The following ITPR1 variants were observed in gnomAD, a reference collection of about 807,000 sequenced individuals.
ITPR1 encodes inositol 1,4,5-trisphosphate-gated calcium channel ITPR1.
In ITPR1, 96 loss-of-function variants were observed where a neutral mutation model predicts 318.4. The observed-to-expected ratio is 0.30, with a 90% CI of 0.26 to 0.36. ITPR1 has a LOEUF of 0.36. Ranked by LOEUF, ITPR1 falls within the 10% of genes least tolerant of loss-of-function variation. The probability of loss-of-function intolerance (pLI) is 1.00; values close to 1 mark genes in which losing one functional copy is unlikely to be tolerated. For synonymous variants in ITPR1, 1,312 were observed against 1,289.9 expected (o/e 1.02, Z -0.37); for missense variants, 2,440 against 3,460.2 (o/e 0.71, Z 7.40).
At chr3:4,747,768 G>A (rs956440210) in intron 44 of ITPR1, among the ~76,000 whole-genome samples, 7 of 152,204 alleles carry the variant, frequency 4.6e-5, no homozygotes, top group Admixed American at 4.6e-4. Context: ...CAGGAAGACT[G>A]TCCTACAGAA....
At chr3:4,624,736 T>C (rs1263600434) in intron 4 of ITPR1, among the ~76,000 whole-genome samples, 2 of 151,856 alleles carry the variant, frequency 1.3e-5, no homozygotes, top group Admixed American at 6.6e-5. Context: ...TTGTTTATTA[T>C]AGTTTTATAT....
chr3:4,723,063 G>A (rs535625280), intron 40 of ITPR1, among the ~76,000 whole-genome samples: 6 of 152,316 alleles, frequency 3.9e-5, no homozygotes, highest in East Asian at 1.9e-4. Context: ...CAGGAGAATC[G>A]CTTGAACCCT....
intron 55 of ITPR1, among the ~76,000 whole-genome samples, chr3:4,810,326 C>G (rs116284831): frequency 6.6e-5 from 10 of 152,334 alleles, no homozygotes; most frequent in Non-Finnish European, 8.8e-5. Flanking sequence ...TCTCCCCACA[C>G]TCCCCACCAT....
chr3:4,579,783 CAG>C (rs1213288339), intron 4 of ITPR1, among the ~76,000 whole-genome samples: 1 of 152,178 alleles, frequency 6.6e-6, no homozygotes, highest in African/African-American at 2.4e-5. Flanking sequence ...CAGGGTTAGA[CAG>C]AGACTTTGTG....
chr3:4,512,126 C>T (rs1425364937), intron 2 of ITPR1, among the ~76,000 whole-genome samples: 2 of 152,110 alleles, frequency 1.3e-5, no homozygotes, highest in South Asian at 2.1e-4. Flanking sequence ...AGATGTGTAC[C>T]ACCATGCCCT....
intron 44 of ITPR1, among the ~76,000 whole-genome samples, chr3:4,755,366 G>A (rs1270338357): frequency 2.0e-5 from 3 of 150,720 alleles, no homozygotes; most frequent in African/African-American, 7.3e-5. Flanking sequence ...TGAGCTTTCT[G>A]TCTCAGAAGA....
intron 39 of ITPR1, among the ~76,000 whole-genome samples, chr3:4,712,936 G>T (rs1242969117): frequency 6.6e-6 from 1 of 152,160 alleles, no homozygotes; most frequent in African/African-American, 2.4e-5. Context: ...CTGTAACTCA[G>T]TAGGAATTTT....
chr3:4,733,135 C>T lies in ITPR1; in HGVS notation c.5268C>T (p.Val1756=), dbSNP rs1465597941. Reference sequence around the variant, plus strand: ...TGGTCAACCGTTACTATGGAAACGTCAGACCTTCGGGACGAAGAGAGAGCC... The same window carrying T: ...TGGTCAACCGTTACTATGGAAACGTTAGACCTTCGGGACGAAGAGAGAGCC... ...QVLVNRYYGN[V]RPSGRRESLT... is the part of the protein sequence containing the mutation. The change falls in exon 43 of 62, where the codon GTC becomes GTT. Residue 1756 remains valine, a synonymous_variant. Coordinates refer to ENST00000649015, the MANE Select transcript of ITPR1 (RefSeq NM_001378452.1). 6.2e-7 allele frequency: 1 copy of T among 1,613,756 alleles called. No individual in the cohort carries two copies. The highest frequency in any genetic ancestry group is 8.5e-7 in the Non-Finnish European group (1 of 1,179,850).
At chr3:4,778,054 T>C (rs563897099) in intron 48 of ITPR1, among the ~76,000 whole-genome samples, 69 of 152,344 alleles carry the variant, frequency 4.5e-4, no homozygotes, top group African/African-American at 1.7e-3. Context: ...ATGAAAATCG[T>C]GACTTCTAGG....
At chr3:4,836,004 G>A (rs752683703) in intron 60 of ITPR1, among the ~76,000 whole-genome samples, 2 of 152,174 alleles carry the variant, frequency 1.3e-5, no homozygotes, top group Admixed American at 6.5e-5. Flanking sequence ...TCATAAACGG[G>A]GACATTGACA....
intron 61 of ITPR1, among the ~76,000 whole-genome samples, chr3:4,837,440 T>G (rs981448016): frequency 6.6e-6 from 1 of 152,098 alleles, no homozygotes; most frequent in African/African-American, 2.4e-5. Context: ...GTGGCTATCA[T>G]AGTACAGGAA....
At chr3:4,545,642 G>T (rs1294079973) in intron 4 of ITPR1, among the ~76,000 whole-genome samples, 3 of 138,888 alleles carry the variant, frequency 2.2e-5, no homozygotes, top group Admixed American at 7.1e-5. Flanking sequence ...AAAAAAAAAA[G>T]GCTTTGGAAG....
chr3:4,495,770 A>G (rs1440008682), intron 2 of ITPR1, among the ~76,000 whole-genome samples: 2 of 152,216 alleles, frequency 1.3e-5, no homozygotes, highest in African/African-American at 4.8e-5. Context: ...GCTAGTACAA[A>G]GTAGGAGCAG....
intron 44 of ITPR1, among the ~76,000 whole-genome samples, chr3:4,762,329 T>C (rs1395425399): frequency 6.6e-6 from 1 of 152,216 alleles, no homozygotes; most frequent in Non-Finnish European, 1.5e-5. Context: ...GTTACTGTAG[T>C]GATCTCATTG....
chr3:4,662,096 T>C lies in ITPR1; in HGVS notation c.1266T>C (p.Pro422=), dbSNP rs757468204. The change falls in exon 15 of 62, where the codon CCT becomes CCC. Residue 422 remains proline (P), a synonymous_variant. Coordinates refer to ENST00000649015, the MANE Select transcript of ITPR1 (RefSeq NM_001378452.1). ...TTGAATTTCAGATTGGCACCTCTCC[T>C]GTGAAGGAGGATAAGGAAGCATTTG... ...KPVMLKIGTS[P]VKEDKEAFAI... is the part of the protein sequence containing the mutation. The C allele has an allele frequency of 6.2e-7, 1 of 1,613,320 alleles. No homozygotes were observed. Among genetic ancestry groups the C allele is most frequent in the Non-Finnish European group, 8.5e-7 (1 of 1,179,426 alleles).
At chr3:4,715,295 G>T (rs2041685619) in intron 39 of ITPR1, among the ~76,000 whole-genome samples, 2 of 152,296 alleles carry the variant, frequency 1.3e-5, no homozygotes, top group South Asian at 4.1e-4. Context: ...TATGTTACAC[G>T]ATTATGTAAA....
chr3:4,703,948 C>A (rs2094705921), intron 36 of ITPR1, among the ~76,000 whole-genome samples: 1 of 152,124 alleles, frequency 6.6e-6, no homozygotes, highest in Admixed American at 6.5e-5. Context: ...TAACCCTATA[C>A]TTTTTCCATA....
intron 54 of ITPR1, among the ~76,000 whole-genome samples, chr3:4,801,931 G>C (rs1458229351): frequency 2.6e-5 from 4 of 152,148 alleles, no homozygotes; most frequent in African/African-American, 9.7e-5. Flanking sequence ...AATAAATAAA[G>C]AGTTTCACCT....
At chr3:4,556,499 GA>G (rs2086143389) in intron 4 of ITPR1, among the ~76,000 whole-genome samples, 1 of 148,884 alleles carries the variant, frequency 6.7e-6, no homozygotes, top group South Asian at 2.1e-4. Flanking sequence ...GGCAACTACT[GA>G]TTTTTTTTTT....
Sources: allele counts gnomAD v4.1 joint callset (sites outside exome capture counted in the v4.1 genomes callset), GRCh38; gene constraint gnomAD v4.1.1; transcripts MANE v1.5; gene names NCBI Gene and HGNC (gene_info 2026-07-23, HGNC 2026-07-21).